RANBP2: variants seen among roughly 807,000 people sequenced by gnomAD.
RANBP2 encodes RAN binding protein 2, also known as E3 SUMO-protein ligase RanBP2.
In RANBP2, 57 loss-of-function variants were observed where a neutral mutation model predicts 303.6. The ratio of observed to expected loss-of-function variants is 0.19; its 90% CI spans 0.15 to 0.23. The LOEUF (loss-of-function observed/expected upper bound fraction) is 0.23. Among genes scored for constraint, RANBP2 ranks in the 10% least tolerant of loss-of-function variants. The pLI is 1.00. For missense variants in RANBP2, 3,138 were observed against 3,780.8 expected, an observed-to-expected ratio of 0.83 and a Z score of 4.46; for synonymous variants, 1,167 against 1,301.5, an observed-to-expected ratio of 0.90 and a Z score of 2.23.
At chr2:109,427,891 G>A in the RANBP2 span, among the ~76,000 whole-genome samples, 7 of 152,262 alleles carry the variant, frequency 4.6e-5, no homozygotes, top group Non-Finnish European at 7.3e-5. Context: ...GCCATCCTGA[G>A]GCCATACCTG....
the RANBP2 span, among the ~76,000 whole-genome samples, chr2:108,903,545 C>T: frequency 2.0e-5 from 3 of 152,182 alleles, no homozygotes; most frequent in East Asian, 1.9e-4. Flanking sequence ...ATCAGAGGGA[C>T]AGACATGTAG....
At chr2:109,562,110 G>C in the RANBP2 span, among the ~76,000 whole-genome samples, 71 of 152,140 alleles carry the variant, frequency 4.7e-4, 1 homozygote, top group Admixed American at 3.3e-3. Flanking sequence ...CTACTCAGGA[G>C]GCTGAGGCAT....
chr2:109,734,856 T>G, the RANBP2 span, among the ~76,000 whole-genome samples: 19 of 152,246 alleles, frequency 1.2e-4, no homozygotes, highest in Non-Finnish European at 1.9e-4. Context: ...AATGGATTCT[T>G]TCTTTCTTTT....
chr2:109,198,790 A>T, the RANBP2 span, among the ~76,000 whole-genome samples: 1 of 152,228 alleles, frequency 6.6e-6, no homozygotes, highest in East Asian at 1.9e-4. Flanking sequence ...TAGGAAGTAC[A>T]GCCTTTGACA....
chr2:109,629,975 T>G, the RANBP2 span, among the ~76,000 whole-genome samples: 2 of 152,126 alleles, frequency 1.3e-5, no homozygotes, highest in Non-Finnish European at 2.9e-5. Flanking sequence ...GGCTCTGCCC[T>G]GAAGGGACTC....
chr2:109,533,788 C>T, the RANBP2 span, among the ~76,000 whole-genome samples: 7 of 152,198 alleles, frequency 4.6e-5, no homozygotes, highest in African/African-American at 1.7e-4. Flanking sequence ...CTGGGGGGTA[C>T]TTTCAAGATT....
the RANBP2 span, among the ~76,000 whole-genome samples, chr2:109,228,525 C>T: frequency 2.0e-5 from 3 of 152,136 alleles, no homozygotes; most frequent in Non-Finnish European, 4.4e-5. Flanking sequence ...CAGTTCTGAC[C>T]CCTTCCATGT....
chr2:109,406,073 C>T, the RANBP2 span, among the ~76,000 whole-genome samples: 74 of 152,294 alleles, frequency 4.9e-4, 1 homozygote, highest in Middle Eastern at 3.4e-3. Flanking sequence ...GGCGTGCAGC[C>T]GGCTGAGCCT....
chr2:109,515,628 G>T, the RANBP2 span, among the ~76,000 whole-genome samples: 25 of 152,138 alleles, frequency 1.6e-4, 1 homozygote, highest in Admixed American at 5.9e-4. Flanking sequence ...TCTTCCCAGG[G>T]TAGGAGTAGT....
intron 1 of RANBP2, among the ~76,000 whole-genome samples, chr2:108,726,872 A>C (rs1694757222): frequency 6.6e-6 from 1 of 152,076 alleles, no homozygotes; most frequent in African/African-American, 2.4e-5. Flanking sequence ...CTGTTTAACA[A>C]AGCACATCTT....
chr2:109,645,580 C>A, the RANBP2 span, among the ~76,000 whole-genome samples: 1 of 152,210 alleles, frequency 6.6e-6, no homozygotes, highest in Non-Finnish European at 1.5e-5. Flanking sequence ...CAGGCTGCCA[C>A]ATGGTCTGAA....
At chr2:109,402,057 G>A in the RANBP2 span, among the ~76,000 whole-genome samples, 2 of 152,168 alleles carry the variant, frequency 1.3e-5, no homozygotes, top group Non-Finnish European at 2.9e-5. Context: ...TGATTTAATC[G>A]AGCTGCCGGG....
At chr2:109,501,902 C>T in the RANBP2 span, 1 of 504,176 alleles carries the variant, frequency 2.0e-6, no homozygotes. Flanking sequence ...TGCCCACCCC[C>T]TCTGTGGAAA....
At chr2:109,032,479 T>C in the RANBP2 span, among the ~76,000 whole-genome samples, 1 of 152,178 alleles carries the variant, frequency 6.6e-6, no homozygotes, top group Non-Finnish European at 1.5e-5. Flanking sequence ...ATCGGTCGAA[T>C]GTGTGAGAGG....
At chr2:109,315,332 T>C in the RANBP2 span, among the ~76,000 whole-genome samples, 2 of 152,192 alleles carry the variant, frequency 1.3e-5, no homozygotes, top group Non-Finnish European at 2.9e-5. Context: ...TCTTAACTAA[T>C]GCCAAGCCAG....
At chr2:109,401,249 G>C in the RANBP2 span, among the ~76,000 whole-genome samples, 28 of 152,350 alleles carry the variant, frequency 1.8e-4, 1 homozygote, top group Admixed American at 5.2e-4. Flanking sequence ...AACTGTTGGC[G>C]ATGTGAACAG....
chr2:108,933,208 C>A, the RANBP2 span, among the ~76,000 whole-genome samples: 1,705 of 152,328 alleles, frequency 0.011, 20 homozygotes, highest in Non-Finnish European at 0.017. Flanking sequence ...TGGAGCGATG[C>A]CTGCTGAACT....
chr2:108,764,566 AATT>A lies in RANBP2; in HGVS notation c.4028_4030del (p.Asn1343_Phe1344delinsIle). 1 of 1,614,008 alleles carries A rather than the reference AATT, an allele frequency of 6.2e-7. No homozygotes were observed. On this transcript the variant is annotated inframe_deletion, in exon 20 of 29. Transcript: ENST00000283195. ...TTGCAAATCTGATGCTGGAAACCTG[AATT>A]TTGAATTTCAGGTTGCAAAGAAAGA... is the stretch of plus-strand genomic sequence containing the variant.
the RANBP2 span, among the ~76,000 whole-genome samples, chr2:109,332,739 AC>A: frequency 6.6e-6 from 1 of 152,040 alleles, no homozygotes; most frequent in Non-Finnish European, 1.5e-5. Flanking sequence ...AGGAGCAGCC[AC>A]CCCGCCCCCA....
Sources: allele counts gnomAD v4.1 joint callset (sites outside exome capture counted in the v4.1 genomes callset), GRCh38; gene constraint gnomAD v4.1.1; transcripts MANE v1.5; gene names NCBI Gene and HGNC (gene_info 2026-07-23, HGNC 2026-07-21).